The following CSTF3 variants were observed in gnomAD, a reference collection of about 807,000 sequenced individuals.
CSTF3 encodes the protein cleavage stimulation factor subunit 3, also known as CF-1 77 kDa subunit.
Under a neutral mutation model 105.8 loss-of-function variants are expected in CSTF3, and 29 were observed. The observed-to-expected ratio is 0.27, with a 90% CI of 0.20 to 0.37. CSTF3 has a LOEUF of 0.37. Among genes scored for constraint, CSTF3 ranks in the 10% least tolerant of loss-of-function variants. CSTF3 has a pLI of 1.00. For synonymous variants in CSTF3, 252 were observed against 281.9 expected (o/e 0.89, Z 1.06); for missense variants, 357 against 879.3 (o/e 0.41, Z 7.51).
chr11:33,120,019 G>A (rs181099846), intron 3 of CSTF3, among the ~76,000 whole-genome samples: 528 of 151,820 alleles, frequency 3.5e-3, no homozygotes, highest in Middle Eastern at 0.01. Flanking sequence ...CAATTCAAAA[G>A]ATCACACCAG....
At position 33,095,807 on chromosome 11, in the gene CSTF3, G is replaced by C. The variant is rs1207741179; in HGVS notation, c.1375+499C>G. 2.4e-5 allele frequency among the ~76,000 whole-genome samples: 3 copies of C among 122,806 alleles called. 1 individual carries two copies. Among genetic ancestry groups the C allele is most frequent in the Non-Finnish European group, 3.7e-5 (2 of 54,524 alleles). 80.6% of individuals were successfully genotyped at this position (122,806 alleles called of 152,430 possible). A position where few individuals can be genotyped will look rare whatever the true frequency, so the allele number is the denominator to read the frequency against. On this transcript the variant is annotated intron_variant, in intron 15 of 20. Coordinates refer to ENST00000323959, the MANE Select transcript of CSTF3 (RefSeq NM_001326.3). ...ACTGCACTCCAGCCTGGGCGACAGC[G>C]AGACTCTGTCTCAAATAAATAAATA...
At position 33,098,697 on chromosome 11, in the gene CSTF3, G is replaced by A; in HGVS notation, c.1121C>T (p.Pro374Leu). The change falls in exon 13 of 21, where the codon CCT becomes CTT. Residue 374 changes from proline (P) to leucine (L), a missense_variant. Around this residue, in one of 4 missense-constraint regions of CSTF3, gnomAD observed 206 missense variants for 576.5 expected, o/e 0.36. Transcript: ENST00000323959. ...ATTTGTAAAGTTACTCACCAAGGTA[G>A]GGTCAATATCCTCAATTGCCAGAAG... is the stretch of plus-strand genomic sequence containing the variant. ...NRLLAIEDID[P>L]TLVYIQYMKF... 6.3e-7 allele frequency: 1 copy of A among 1,578,166 alleles called. No individual in the cohort carries two copies. The highest frequency in any genetic ancestry group is 8.6e-7 in the Non-Finnish European group (1 of 1,161,700).
chr11:33,138,771 G>A (rs974805082), intron 3 of CSTF3, among the ~76,000 whole-genome samples: 1 of 151,808 alleles, frequency 6.6e-6, no homozygotes, highest in Non-Finnish European at 1.5e-5. Flanking sequence ...TTGGAATAAA[G>A]AGTAGAACAA....
At chr11:33,134,832 TAA>T (rs1397965964) in intron 3 of CSTF3, among the ~76,000 whole-genome samples, 2 of 152,128 alleles carry the variant, frequency 1.3e-5, no homozygotes, top group Non-Finnish European at 2.9e-5. Flanking sequence ...CTGACTATAG[TAA>T]GTTAGAAATA....
chr11:33,092,855 T>G (rs946054182), intron 15 of CSTF3, among the ~76,000 whole-genome samples: 1 of 152,208 alleles, frequency 6.6e-6, no homozygotes, highest in African/African-American at 2.4e-5. Context: ...GGCAGGTAAC[T>G]ATGGAAATGT....
At chr11:33,153,018 G>A (rs141429364) in intron 1 of CSTF3, among the ~76,000 whole-genome samples, 342 of 150,602 alleles carry the variant, frequency 2.3e-3, no homozygotes, top group African/African-American at 8.1e-3. Context: ...ACTCACATAA[G>A]AAATTAAAAC....
At chr11:33,140,608 T>C (rs928632530) in intron 3 of CSTF3, among the ~76,000 whole-genome samples, 3 of 152,084 alleles carry the variant, frequency 2.0e-5, no homozygotes, top group Non-Finnish European at 2.9e-5. Flanking sequence ...GATGACACTG[T>C]GTTGTGCTGA....
chr11:33,127,195 C>T (rs1855552372), intron 3 of CSTF3, among the ~76,000 whole-genome samples: 9 of 152,092 alleles, frequency 5.9e-5, no homozygotes. Flanking sequence ...AGACATTATG[C>T]ACAAATTTTT....
At chr11:33,112,384 G>T (rs537967858) in intron 3 of CSTF3, among the ~76,000 whole-genome samples, 39 of 152,192 alleles carry the variant, frequency 2.6e-4, no homozygotes, top group South Asian at 6.2e-4. Flanking sequence ...TATAAAATGG[G>T]AATGATAATA....
At chr11:33,108,446 T>C in intron 3 of CSTF3, 28 bp from the exon 4 acceptor site, 3 of 1,429,282 alleles carry the variant, frequency 2.1e-6, no homozygotes, top group Non-Finnish European at 1.9e-6. Flanking sequence ...AATATAGAAT[T>C]AATACTATTT....
intron 16 of CSTF3, among the ~76,000 whole-genome samples, chr11:33,091,074 G>A (rs562816527): frequency 6.6e-6 from 1 of 152,100 alleles, no homozygotes; most frequent in East Asian, 1.9e-4. Context: ...ACCTTAGAGA[G>A]GATAAACTCT....
chr11:33,158,081 G>A (rs965974798), intron 1 of CSTF3, among the ~76,000 whole-genome samples: 1 of 152,202 alleles, frequency 6.6e-6, no homozygotes, highest in African/African-American at 2.4e-5. Context: ...TAATGGGGGT[G>A]AGAGAAGCAA....
intron 1 of CSTF3, among the ~76,000 whole-genome samples, chr11:33,149,522 G>A (rs1212204707): frequency 6.6e-6 from 1 of 152,196 alleles, no homozygotes; most frequent in African/African-American, 2.4e-5. Context: ...GAACAGTTTT[G>A]TAGTACCCAA....
At chr11:33,130,744 T>C (rs1855590044) in intron 3 of CSTF3, among the ~76,000 whole-genome samples, 1 of 152,018 alleles carries the variant, frequency 6.6e-6, no homozygotes, top group African/African-American at 2.4e-5. Context: ...TTCAAAGTGG[T>C]AAAGAATATG....
intron 15 of CSTF3, among the ~76,000 whole-genome samples, chr11:33,095,250 C>G (rs1438875377): frequency 2.6e-5 from 4 of 152,122 alleles, no homozygotes; most frequent in Non-Finnish European, 4.4e-5. Context: ...GCTCTGTCAT[C>G]CAGGCTAGAT....
intron 1 of CSTF3, among the ~76,000 whole-genome samples, chr11:33,155,907 C>G (rs925734588): frequency 1.3e-5 from 2 of 152,020 alleles, no homozygotes; most frequent in Non-Finnish European, 2.9e-5. Context: ...GGGTAATTGT[C>G]CAATAGGTAA....
intron 3 of CSTF3, among the ~76,000 whole-genome samples, chr11:33,114,250 T>A (rs1405499945): frequency 2.0e-5 from 3 of 152,214 alleles, no homozygotes; most frequent in African/African-American, 4.8e-5. Context: ...TATATTGAGA[T>A]CTAAAGAAAG....
chr11:33,095,759 C>T (rs1855214762), intron 15 of CSTF3, among the ~76,000 whole-genome samples: 1 of 150,948 alleles, frequency 6.6e-6, no homozygotes, highest in African/African-American at 2.4e-5. Context: ...GGGGCGGAGC[C>T]TGCAGTGAGC....
Position 33,152,543 on chromosome 11 carries a change from C to T in CSTF3, c.27+8756G>A, listed in dbSNP as rs551412786. 3.3e-5 allele frequency among the ~76,000 whole-genome samples: 5 copies of T among 152,268 alleles called. No individual in the cohort carries two copies. The East Asian group carries it at 7.7e-4, about 23-fold the overall frequency. Reference sequence around the variant, plus strand: ...TGCCTTGCCACTTTCCATGTTTAACCGTCTGTTATGTGAAGCTAACTAACT... The same window carrying T: ...TGCCTTGCCACTTTCCATGTTTAACTGTCTGTTATGTGAAGCTAACTAACT... On this transcript the variant is annotated intron_variant, in intron 1 of 20. Transcript: ENST00000323959.
Sources: gnomAD v4.1 joint callset for allele counts (sites outside exome capture counted in the v4.1 genomes callset) on GRCh38, gnomAD v4.1.1 for gene constraint, gnomAD v4.1.1 regional missense constraint, MANE v1.5 for transcripts, NCBI Gene and HGNC (gene_info 2026-07-23, HGNC 2026-07-21) for gene names.